The following ASIC2 variants were observed in gnomAD, a reference collection of about 807,000 sequenced individuals.
ASIC2 encodes acid-sensing ion channel 2.
ASIC2 carries 25 observed loss-of-function variants against 57.3 expected under a neutral mutation model. That is an observed-to-expected ratio of 0.44 (90% confidence interval 0.32 to 0.61). The LOEUF is 0.61. Ranked by LOEUF, ASIC2 falls within the 20% of genes least tolerant of loss-of-function variation. ASIC2 has a pLI of 0.06. For synonymous variants in ASIC2, 319 were observed against 307.5 expected (o/e 1.04, Z -0.39); for missense variants, 641 against 738.1 (o/e 0.87, Z 1.52).
At position 33,811,245 on chromosome 17, in the gene ASIC2, C is replaced by T. The variant is rs115007858; in HGVS notation, c.555+344733G>A. On this transcript the variant is annotated intron_variant, in intron 1 of 9. Transcript: ENST00000359872. ...TTCTCTGTGTCTATCACTTCTGGCC[C>T]TGCTCTTCATTTCACATTTGGAGCC... 1.9e-3 allele frequency among the ~76,000 whole-genome samples: 285 copies of T among 152,332 alleles called. 1 individual carries two copies. The highest frequency in any genetic ancestry group is 6.6e-3 in the African/African-American group (275 of 41,574).
At chr17:34,045,152 C>T (rs764298156) in intron 1 of ASIC2, among the ~76,000 whole-genome samples, 2 of 152,040 alleles carry the variant, frequency 1.3e-5, no homozygotes, top group African/African-American at 2.4e-5. Context: ...TGCCTGGCAC[C>T]ATCACAGCAA....
chr17:33,449,633 A>T (rs755923032), intron 1 of ASIC2, among the ~76,000 whole-genome samples: 32 of 152,048 alleles, frequency 2.1e-4, no homozygotes, highest in Non-Finnish European at 3.8e-4. Context: ...CCTTTAGTAT[A>T]AAAAAATCAG....
intron 1 of ASIC2, among the ~76,000 whole-genome samples, chr17:33,460,779 G>A (rs1477808015): frequency 2.0e-5 from 3 of 152,182 alleles, no homozygotes; most frequent in African/African-American, 7.2e-5. Context: ...AGAAAACTGA[G>A]CCACAGAGAG....
chr17:33,181,033 G>T (rs1905960455), intron 1 of ASIC2, among the ~76,000 whole-genome samples: 1 of 152,166 alleles, frequency 6.6e-6, no homozygotes, highest in Non-Finnish European at 1.5e-5. Flanking sequence ...AAACCTCTTT[G>T]TTGAAAAGCA....
intron 1 of ASIC2, among the ~76,000 whole-genome samples, chr17:33,209,522 C>G (rs977796100): frequency 1.3e-5 from 2 of 152,214 alleles, no homozygotes; most frequent in Non-Finnish European, 2.9e-5. Flanking sequence ...TCCTTGACCT[C>G]TATCCACCAG....
chr17:33,551,846 C>T (rs1049010024), intron 1 of ASIC2, among the ~76,000 whole-genome samples: 4 of 152,208 alleles, frequency 2.6e-5, no homozygotes, highest in Admixed American at 1.3e-4. Flanking sequence ...CTAACCTCAG[C>T]CATTGTTCTC....
At chr17:34,140,230 T>C (rs545503989) in intron 1 of ASIC2, among the ~76,000 whole-genome samples, 1 of 151,946 alleles carries the variant, frequency 6.6e-6, no homozygotes, top group East Asian at 1.9e-4. Flanking sequence ...GAGAATTGAG[T>C]GTAAGTAAAT....
At chr17:34,132,250 A>C (rs1911999120) in intron 1 of ASIC2, among the ~76,000 whole-genome samples, 1 of 152,112 alleles carries the variant, frequency 6.6e-6, no homozygotes, top group Non-Finnish European at 1.5e-5. Flanking sequence ...TCAAGAACGA[A>C]GCCGGGGACC....
chr17:33,510,368 G>C (rs186610765), intron 1 of ASIC2, among the ~76,000 whole-genome samples: 1 of 152,106 alleles, frequency 6.6e-6, no homozygotes, highest in Non-Finnish European at 1.5e-5. Context: ...AAAGCAGAGG[G>C]TAGCCTGGCA....
At chr17:34,113,197 T>G (rs1015731660) in intron 1 of ASIC2, among the ~76,000 whole-genome samples, 2 of 152,156 alleles carry the variant, frequency 1.3e-5, no homozygotes, top group Non-Finnish European at 2.9e-5. Flanking sequence ...TTCCAGACAT[T>G]GCCCGAAGAG....
At chr17:33,266,486 A>G (rs963868059) in intron 1 of ASIC2, among the ~76,000 whole-genome samples, 1 of 152,200 alleles carries the variant, frequency 6.6e-6, no homozygotes, top group Non-Finnish European at 1.5e-5. Flanking sequence ...AGTTTAAAAA[A>G]GCAAAAGAGA....
At chr17:34,093,670 A>C (rs1910415658) in intron 1 of ASIC2, among the ~76,000 whole-genome samples, 1 of 152,220 alleles carries the variant, frequency 6.6e-6, no homozygotes, top group East Asian at 1.9e-4. Flanking sequence ...TTACAGATGC[A>C]CTTAACTTGC....
chr17:33,307,859 A>G (rs11871356), intron 1 of ASIC2, among the ~76,000 whole-genome samples: 30,003 of 152,196 alleles, frequency 0.2, 3,113 homozygotes, highest in East Asian at 0.37. Context: ...AGCCTGACAT[A>G]TAGTAAGTAT....
chr17:33,028,509 C>T (rs1003759073), intron 3 of ASIC2, 117 bp from the exon 4 acceptor site: 10 of 1,265,596 alleles, frequency 7.9e-6, no homozygotes, highest in South Asian at 1.5e-5. Flanking sequence ...ACTTTATAGA[C>T]CTTCAACATC....
chr17:33,185,471 C>T (rs142541158), intron 1 of ASIC2, among the ~76,000 whole-genome samples: 55 of 152,200 alleles, frequency 3.6e-4, no homozygotes, highest in African/African-American at 1.2e-3. Context: ...CAATGCTCCC[C>T]GAGAGAAGAG....
chr17:33,554,099 C>T (rs939227445), intron 1 of ASIC2, among the ~76,000 whole-genome samples: 23 of 152,170 alleles, frequency 1.5e-4, no homozygotes, highest in African/African-American at 5.3e-4. Flanking sequence ...CCATGAAGAC[C>T]CAATTCTCTA....
intron 1 of ASIC2, among the ~76,000 whole-genome samples, chr17:33,752,030 G>T (rs2932932): frequency 0.39 from 59,348 of 151,072 alleles, 12,508 homozygotes; most frequent in Non-Finnish European, 0.49. Context: ...CACATTTGTC[G>T]TCTAAGCACC....
At chr17:33,608,325 G>C (rs1905279089) in intron 1 of ASIC2, among the ~76,000 whole-genome samples, 1 of 152,254 alleles carries the variant, frequency 6.6e-6, no homozygotes, top group Non-Finnish European at 1.5e-5. Context: ...GGTAGATCTG[G>C]GTTTGATCCC....
intron 1 of ASIC2, among the ~76,000 whole-genome samples, chr17:33,651,956 G>A (rs767027772): frequency 1.3e-5 from 2 of 152,154 alleles, no homozygotes; most frequent in African/African-American, 2.4e-5. Flanking sequence ...ACATCATCCC[G>A]CTGTGGTGTG....
Sources: gnomAD v4.1 joint callset for allele counts (sites outside exome capture counted in the v4.1 genomes callset) on GRCh38, gnomAD v4.1.1 for gene constraint, MANE v1.5 for transcripts, NCBI Gene and HGNC (gene_info 2026-07-23, HGNC 2026-07-21) for gene names.